The following XKR4 variants were observed in gnomAD, a reference collection of about 807,000 sequenced individuals.
XKR4 encodes XK related 4.
Under a neutral mutation model 53.9 loss-of-function variants are expected in XKR4, and 12 were observed. The ratio of observed to expected loss-of-function variants is 0.22; its 90% CI spans 0.14 to 0.36. The LOEUF (loss-of-function observed/expected upper bound fraction) is 0.36. Ranked by LOEUF, XKR4 falls within the 10% of genes least tolerant of loss-of-function variation. The pLI is 1.00. For synonymous variants in XKR4, 354 were observed against 362.4 expected (o/e 0.98, Z 0.26); for missense variants, 799 against 859.5 (o/e 0.93, Z 0.88).
At chr8:55,360,742 A>T (rs1803890909) in intron 2 of XKR4, among the ~76,000 whole-genome samples, 1 of 152,248 alleles carries the variant, frequency 6.6e-6, no homozygotes, top group Non-Finnish European at 1.5e-5. Flanking sequence ...CAGTGCTTTT[A>T]AAAAATAAGA....
At chr8:55,521,773 C>T (rs1806801763) in intron 2 of XKR4, among the ~76,000 whole-genome samples, 1 of 152,096 alleles carries the variant, frequency 6.6e-6, no homozygotes, top group Non-Finnish European at 1.5e-5. Flanking sequence ...GGTCTTTTTC[C>T]ACAAGAGTAC....
At chr8:55,442,672 C>CA (rs2129395069) in intron 2 of XKR4, among the ~76,000 whole-genome samples, 1 of 152,250 alleles carries the variant, frequency 6.6e-6, no homozygotes, top group South Asian at 2.1e-4. Context: ...TGATAAATGC[C>CA]ACATGGATAA....
At chr8:55,243,347 C>T (rs1179520225) in intron 1 of XKR4, among the ~76,000 whole-genome samples, 2 of 152,196 alleles carry the variant, frequency 1.3e-5, no homozygotes, top group Admixed American at 6.5e-5. Flanking sequence ...ATTCATCCTT[C>T]CCTCCCTTGA....
In XKR4 at chr8:55,336,983, G is replaced by GT. The variant is rs142746758; in HGVS notation, c.807-20688dup. Reference sequence around the variant, plus strand: ...AGCAAATAATCCTAAACTTGCAAGGGTTTTTTTGGTGGAAATCTTGACATT... The same window carrying GT: ...AGCAAATAATCCTAAACTTGCAAGGGTTTTTTTTGGTGGAAATCTTGACATT... On this transcript the variant is annotated intron_variant, in intron 1 of 2. Transcript: ENST00000327381. Among the ~76,000 whole-genome samples the GT allele has an allele frequency of 2.4e-3, 370 of 152,150 alleles. 2 individuals are homozygous for GT. The highest frequency in any genetic ancestry group is 8.3e-3 in the African/African-American group (345 of 41,502).
chr8:55,486,992 T>C (rs1468552965), intron 2 of XKR4, among the ~76,000 whole-genome samples: 2 of 152,162 alleles, frequency 1.3e-5, no homozygotes, highest in South Asian at 2.1e-4. Flanking sequence ...AATATGTATA[T>C]AGAGATATGA....
At chr8:55,450,439 C>T (rs1490908724) in intron 2 of XKR4, 5 of 581,694 alleles carry the variant, frequency 8.6e-6, no homozygotes, top group Middle Eastern at 4.4e-4. Flanking sequence ...CCGGTCCACA[C>T]AGAGACCTGC....
chr8:55,338,295 G>A (rs1183816639), intron 1 of XKR4, among the ~76,000 whole-genome samples: 1 of 152,202 alleles, frequency 6.6e-6, no homozygotes, highest in African/African-American at 2.4e-5. Context: ...ATTCACTTAT[G>A]GTAAACGTCT....
At chr8:55,127,732 T>TC (rs1208124453) in intron 1 of XKR4, among the ~76,000 whole-genome samples, 3 of 48,662 alleles carry the variant, frequency 6.2e-5, no homozygotes, top group African/African-American at 2.4e-4. Flanking sequence ...CCCTCCCCCC[T>TC]CCCCCACCCC....
intron 1 of XKR4, among the ~76,000 whole-genome samples, chr8:55,308,925 G>C (rs1212098415): frequency 6.6e-6 from 1 of 152,200 alleles, no homozygotes; most frequent in African/African-American, 2.4e-5. Flanking sequence ...TTTTCTGAGT[G>C]GTACCAGTGG....
At chr8:55,146,278 G>A (rs1325780901) in intron 1 of XKR4, among the ~76,000 whole-genome samples, 1 of 152,224 alleles carries the variant, frequency 6.6e-6, no homozygotes, top group Non-Finnish European at 1.5e-5. Flanking sequence ...TGGCAGAGAT[G>A]ACTGACGGGA....
chr8:55,441,115 C>T (rs2066022005), intron 2 of XKR4, among the ~76,000 whole-genome samples: 2 of 151,834 alleles, frequency 1.3e-5, no homozygotes, highest in African/African-American at 2.4e-5. Flanking sequence ...TAATGCATGC[C>T]TGTAGTCCTA....
chr8:55,502,005 A>T (rs1429932379), intron 2 of XKR4, among the ~76,000 whole-genome samples: 1 of 152,200 alleles, frequency 6.6e-6, no homozygotes, highest in East Asian at 1.9e-4. Flanking sequence ...ACAATGTACA[A>T]TACAGCGTAA....
chr8:55,330,778 G>T (rs191035175), intron 1 of XKR4, among the ~76,000 whole-genome samples: 1 of 152,202 alleles, frequency 6.6e-6, no homozygotes, highest in Admixed American at 6.5e-5. Flanking sequence ...ATGGCATGAA[G>T]TACTTCTTCC....
intron 1 of XKR4, among the ~76,000 whole-genome samples, chr8:55,144,936 A>G (rs1373256617): frequency 6.6e-6 from 1 of 151,876 alleles, no homozygotes; most frequent in African/African-American, 2.4e-5. Context: ...GGTTCAAGCG[A>G]TTCTCCTGCC....
rs547186301 is a variant in XKR4, at chr8:55,143,065, C to A, written c.806+39771C>A. 3.4e-4 allele frequency among the ~76,000 whole-genome samples: 52 copies of A among 152,274 alleles called. No individual in the cohort carries two copies. In the South Asian group the frequency reaches 0.01, roughly 30 times the overall value. The stretch of plus-strand genomic sequence containing the variant: ...CTGACTTCTTTCACTCAAAGTTGAA[C>A]TGAAGAGACACATTCCTGTTGTACG... On this transcript the variant is annotated intron_variant, in intron 1 of 2. Coordinates refer to ENST00000327381, the MANE Select transcript of XKR4 (RefSeq NM_052898.2).
At chr8:55,166,213 A>G (rs1042806310) in intron 1 of XKR4, among the ~76,000 whole-genome samples, 1 of 152,196 alleles carries the variant, frequency 6.6e-6, no homozygotes, top group African/African-American at 2.4e-5. Flanking sequence ...TATCTATTAT[A>G]TTTGGTTATA....
chr8:55,226,982 C>T (rs369460031), intron 1 of XKR4, among the ~76,000 whole-genome samples: 21 of 152,310 alleles, frequency 1.4e-4, no homozygotes, highest in African/African-American at 5.1e-4. Flanking sequence ...GCACCCACAA[C>T]CTGGCTCACT....
chr8:55,489,786 T>C (rs1436357943), intron 2 of XKR4, among the ~76,000 whole-genome samples: 1 of 152,158 alleles, frequency 6.6e-6, no homozygotes, highest in Non-Finnish European at 1.5e-5. Flanking sequence ...AGGTAAGTCA[T>C]CAACATGAAA....
intron 2 of XKR4, among the ~76,000 whole-genome samples, chr8:55,503,352 C>G (rs1239874666): frequency 6.6e-6 from 1 of 152,056 alleles, no homozygotes; most frequent in Non-Finnish European, 1.5e-5. Context: ...TGGCTTCTTT[C>G]ATTTCCTTTA....
Sources: gnomAD v4.1 joint callset for allele counts (sites outside exome capture counted in the v4.1 genomes callset) on GRCh38, gnomAD v4.1.1 for gene constraint, MANE v1.5 for transcripts, NCBI Gene and HGNC (gene_info 2026-07-23, HGNC 2026-07-21) for gene names.